The following DLG1 variants were observed in gnomAD, a reference collection of about 807,000 sequenced individuals.
DLG1 encodes discs large MAGUK scaffold protein 1, also known as disks large homolog 1.
Under a neutral mutation model 123.4 loss-of-function variants are expected in DLG1, and 42 were observed. The ratio of observed to expected loss-of-function variants is 0.34; its 90% CI spans 0.27 to 0.44. The LOEUF is 0.44. Among genes scored for constraint, DLG1 ranks in the 20% least tolerant of loss-of-function variants. The pLI, the probability that DLG1 is intolerant of heterozygous loss-of-function variation, is 1.00. For missense variants in DLG1, 942 were observed against 1,082.6 expected, an observed-to-expected ratio of 0.87 and a Z score of 1.82; for synonymous variants, 317 against 356.2, an observed-to-expected ratio of 0.89 and a Z score of 1.24.
intron 5 of DLG1, among the ~76,000 whole-genome samples, chr3:197,192,426 T>A (rs1393198933): frequency 6.6e-6 from 1 of 150,644 alleles, no homozygotes; most frequent in African/African-American, 2.4e-5. Flanking sequence ...CTTGAGAAAC[T>A]AGAAAAACAA....
chr3:197,084,094 G>T (rs568505186), intron 16 of DLG1, among the ~76,000 whole-genome samples: 1 of 151,598 alleles, frequency 6.6e-6, no homozygotes, highest in Non-Finnish European at 1.5e-5. Context: ...GAAGTGAAGC[G>T]TATTACCAGA....
At chr3:197,286,483 C>T (rs574346677) in intron 3 of DLG1, among the ~76,000 whole-genome samples, 24 of 152,280 alleles carry the variant, frequency 1.6e-4, no homozygotes, top group South Asian at 1.0e-3. Context: ...GAGAATGTAA[C>T]GCCGCTACTG....
chr3:197,224,184 C>T (rs1578294114), intron 4 of DLG1, among the ~76,000 whole-genome samples: 1 of 151,992 alleles, frequency 6.6e-6, no homozygotes, highest in East Asian at 1.9e-4. Context: ...CAACCAAGAA[C>T]CTCAAGTGGT....
At chr3:197,172,537 A>G (rs1051401818) in intron 5 of DLG1, among the ~76,000 whole-genome samples, 1 of 152,154 alleles carries the variant, frequency 6.6e-6, no homozygotes, top group African/African-American at 2.4e-5. Context: ...AGTATTTAAT[A>G]TATATTTGTT....
intron 18 of DLG1, among the ~76,000 whole-genome samples, chr3:197,071,740 GTC>G (rs1744081801): frequency 6.6e-6 from 1 of 152,162 alleles, no homozygotes; most frequent in Non-Finnish European, 1.5e-5. Context: ...CACAAAGAGT[GTC>G]TCTGCCATCC....
At chr3:197,118,756 G>A (rs1774664893) in intron 12 of DLG1, among the ~76,000 whole-genome samples, 2 of 152,126 alleles carry the variant, frequency 1.3e-5, no homozygotes, top group Admixed American at 1.3e-4. Flanking sequence ...TAAAAAGACA[G>A]TTAATCTATA....
intron 16 of DLG1, among the ~76,000 whole-genome samples, chr3:197,083,252 C>A (rs570731286): frequency 1.1e-4 from 17 of 152,070 alleles, no homozygotes; most frequent in African/African-American, 4.1e-4. Flanking sequence ...CTTCTACAAA[C>A]AGGTAAATAA....
chr3:197,090,899 T>C lies in DLG1; in HGVS notation c.1661+13A>G. On this transcript the variant is annotated intron_variant, in intron 15 of 24. Transcript: ENST00000667157. ...AATTAAGATTTGCCATAATTAGAAGTAAAAAAATTTACCTGACATAGAGGG... is the reference window on the plus strand; with the variant it reads ...AATTAAGATTTGCCATAATTAGAAGCAAAAAAATTTACCTGACATAGAGGG... 2 of 1,509,768 alleles carry C rather than the reference T, an allele frequency of 1.3e-6. No homozygotes were observed. The highest frequency in any genetic ancestry group is 1.2e-5 in the South Asian group (1 of 80,196). The allele number at this position is 1,509,768 out of a possible 1,614,324, so 93.5% of individuals were successfully genotyped here.
At chr3:197,123,979 G>C (rs994197661) in intron 11 of DLG1, among the ~76,000 whole-genome samples, 1 of 152,218 alleles carries the variant, frequency 6.6e-6, no homozygotes, top group Non-Finnish European at 1.5e-5. Context: ...AAAGAGGTCA[G>C]GTGCAGTGGC....
chr3:197,250,473 G>A (rs888654851), intron 4 of DLG1, among the ~76,000 whole-genome samples: 1 of 151,682 alleles, frequency 6.6e-6, no homozygotes, highest in Non-Finnish European at 1.5e-5. Context: ...GGAGGCTGAG[G>A]CAGGGGAATC....
chr3:197,065,756 C>A lies in DLG1; in HGVS notation c.2152G>T (p.Asp718Tyr). 6.2e-7 allele frequency: 1 copy of A among 1,612,730 alleles called. No individual in the cohort carries two copies. The highest frequency in any genetic ancestry group is 8.5e-7 in the Non-Finnish European group (1 of 1,179,184). The change falls in exon 21 of 25, where the codon GAT becomes TAT. Residue 718 changes from aspartate to tyrosine, a missense_variant. Physicochemically the swap from Asp to Tyr is radical, Grantham distance 160. Transcript: ENST00000667157. The stretch of plus-strand genomic sequence containing the variant: ...TCAGGAAATTCTGAGATCAAGTCAT[C>A]ATTTATCCTGTCTTTCATAGGTCCC... ...ILGPMKDRIN[D>Y]DLISEFPDKF...
At chr3:197,250,482 T>TGG (rs1753835599) in intron 4 of DLG1, among the ~76,000 whole-genome samples, 1 of 150,652 alleles carries the variant, frequency 6.6e-6, no homozygotes, top group Non-Finnish European at 1.5e-5. Flanking sequence ...GGCAGGGGAA[T>TGG]CAGTTGAACC....
intron 19 of DLG1, 80 bp downstream of exon 19, chr3:197,069,139 A>G (rs781096074): frequency 1.5e-5 from 14 of 913,186 alleles, no homozygotes; most frequent in South Asian, 2.2e-5. Flanking sequence ...TTTTTATAAC[A>G]TATCACTCAG....
At chr3:197,297,822 G>T in intron 1 of DLG1, 1 of 985,354 alleles carries the variant, frequency 1.0e-6, no homozygotes, top group Non-Finnish European at 1.2e-6. Flanking sequence ...AGCGGCGTGC[G>T]CTCGGAACTG....
Position 197,210,577 on chromosome 3 carries a change from T to A in DLG1, c.319-15988A>T, listed in dbSNP as rs1439451967. Among the ~76,000 whole-genome samples the A allele has an allele frequency of 2.1e-5, 3 of 143,496 alleles. 1 individual carries two copies. The highest frequency in any genetic ancestry group is 4.7e-5 in the Non-Finnish European group (3 of 64,262). 94.1% of individuals were successfully genotyped at this position (143,496 alleles called of 152,430 possible). ...AAAAAACACATCTTACCACACACCA[T>A]ATTCTGACACAATATAAAACAGTAA... On this transcript the variant is annotated intron_variant, in intron 4 of 24. Coordinates refer to ENST00000667157, the MANE Select transcript of DLG1 (RefSeq NM_001366207.1).
intron 19 of DLG1, chr3:197,068,467 A>G: frequency 7.0e-7 from 1 of 1,437,872 alleles, no homozygotes; most frequent in Non-Finnish European, 9.6e-7. Context: ...TGTCAACATG[A>G]AAAAGTATTA....
At chr3:197,163,372 T>C (rs930514993) in intron 5 of DLG1, among the ~76,000 whole-genome samples, 2 of 152,154 alleles carry the variant, frequency 1.3e-5, no homozygotes. Flanking sequence ...TGGGTAGGCA[T>C]ATTCCCAAAA....
intron 5 of DLG1, among the ~76,000 whole-genome samples, chr3:197,176,302 A>G (rs1807057000): frequency 6.6e-6 from 1 of 152,136 alleles, no homozygotes; most frequent in Admixed American, 6.5e-5. Flanking sequence ...GTTACAATCA[A>G]TGAGCCCACA....
intron 3 of DLG1, among the ~76,000 whole-genome samples, chr3:197,289,914 T>C (rs1264967746): frequency 2.0e-5 from 3 of 152,196 alleles, no homozygotes; most frequent in African/African-American, 7.2e-5. Context: ...CATACATGAC[T>C]CACAAGCATA....
Sources: allele counts gnomAD v4.1 joint callset (sites outside exome capture counted in the v4.1 genomes callset), GRCh38; gene constraint gnomAD v4.1.1; transcripts MANE v1.5; gene names NCBI Gene and HGNC (gene_info 2026-07-23, HGNC 2026-07-21).